Variants in RBPMS observed in about 807,000 individuals in gnomAD.
RBPMS encodes RNA-binding protein with multiple splicing.
Under a neutral mutation model 26.8 loss-of-function variants are expected in RBPMS, and 7 were observed. That is an observed-to-expected ratio of 0.26 (90% CI 0.15 to 0.49). RBPMS has a LOEUF of 0.49. Among genes scored for constraint, RBPMS ranks in the 20% least tolerant of loss-of-function variants. The probability of loss-of-function intolerance (pLI) is 0.98; values close to 1 mark genes in which losing one functional copy is unlikely to be tolerated. For missense variants in RBPMS, 186 were observed against 250.0 expected (o/e 0.74, Z 1.73); for synonymous variants, 96 against 93.3 (o/e 1.03, Z -0.17).
At chr8:30,438,168 A>G (rs1216828283) in intron 1 of RBPMS, among the ~76,000 whole-genome samples, 5 of 152,042 alleles carry the variant, frequency 3.3e-5, no homozygotes, top group African/African-American at 1.2e-4. Flanking sequence ...TGTAATCCCA[A>G]CACTTTGGGA....
chr8:30,542,105 T>TA (rs1825447291), intron 5 of RBPMS, among the ~76,000 whole-genome samples: 1 of 152,202 alleles, frequency 6.6e-6, no homozygotes, highest in Admixed American at 6.5e-5. Flanking sequence ...TTATCAAGTG[T>TA]AAGTTCACCT....
chr8:30,516,903 T>TAC (rs139256402), intron 5 of RBPMS, among the ~76,000 whole-genome samples: 31,214 of 147,334 alleles, frequency 0.21, 3,394 homozygotes, highest in South Asian at 0.37. Context: ...CATCTCTAAA[T>TAC]ACACACACAC....
At chr8:30,519,458 CTTTTTTT>C (rs36017963) in intron 5 of RBPMS, among the ~76,000 whole-genome samples, 4 of 89,460 alleles carry the variant, frequency 4.5e-5, no homozygotes, top group African/African-American at 4.4e-5. Flanking sequence ...GGATCTCTCT[CTTTTTTT>C]TTTTTTTTTT....
chr8:30,512,815 T>C (rs1821860177), intron 5 of RBPMS, among the ~76,000 whole-genome samples: 1 of 152,178 alleles, frequency 6.6e-6, no homozygotes, highest in Non-Finnish European at 1.5e-5. Context: ...CAAAACCGCC[T>C]CCTTAAGCTC....
chr8:30,534,512 C>A (rs1410130792), intron 5 of RBPMS, among the ~76,000 whole-genome samples: 1 of 152,206 alleles, frequency 6.6e-6, no homozygotes, highest in Non-Finnish European at 1.5e-5. Context: ...GGGCAAGTAG[C>A]CCACGGCTAG....
intron 5 of RBPMS, among the ~76,000 whole-genome samples, chr8:30,543,756 T>A (rs1585828455): frequency 6.6e-6 from 1 of 152,166 alleles, no homozygotes; most frequent in Non-Finnish European, 1.5e-5. Context: ...CTGGGTGGAA[T>A]TGGAGCTGCC....
At chr8:30,450,978 T>C (rs1814516921) in intron 1 of RBPMS, among the ~76,000 whole-genome samples, 1 of 152,096 alleles carries the variant, frequency 6.6e-6, no homozygotes, top group African/African-American at 2.4e-5. Flanking sequence ...TCAAAAAATA[T>C]GGTGACTAGC....
intron 4 of RBPMS, among the ~76,000 whole-genome samples, chr8:30,500,904 G>A (rs1385875321): frequency 6.6e-6 from 1 of 152,042 alleles, no homozygotes; most frequent in African/African-American, 2.4e-5. Context: ...TTTCATATCT[G>A]ATCTGTTCTA....
At chr8:30,481,362 A>G (rs940889455) in intron 4 of RBPMS, among the ~76,000 whole-genome samples, 1 of 152,206 alleles carries the variant, frequency 6.6e-6, no homozygotes, top group African/African-American at 2.4e-5. Context: ...AGTACAGCGA[A>G]CATAATTTCA....
intron 5 of RBPMS, among the ~76,000 whole-genome samples, chr8:30,540,405 A>G (rs1825257649): frequency 1.3e-5 from 2 of 152,064 alleles, no homozygotes; most frequent in African/African-American, 4.8e-5. Context: ...GAAGTCATAG[A>G]AGGGTTTTAA....
At chr8:30,505,764 T>C in intron 5 of RBPMS, among the ~76,000 whole-genome samples, 1 of 152,118 alleles carries the variant, frequency 6.6e-6, no homozygotes, top group African/African-American at 2.4e-5. Context: ...TTATAGTGAG[T>C]GGATAAATTG....
At chr8:30,519,499 T>G (rs1822800880) in intron 5 of RBPMS, among the ~76,000 whole-genome samples, 1 of 81,196 alleles carries the variant, frequency 1.2e-5, no homozygotes, top group Non-Finnish European at 2.4e-5. Flanking sequence ...TTTTTTTTTT[T>G]TGGAGACGGA....
At chr8:30,533,788 G>T (rs1290206050) in intron 5 of RBPMS, among the ~76,000 whole-genome samples, 1 of 152,068 alleles carries the variant, frequency 6.6e-6, no homozygotes, top group Non-Finnish European at 1.5e-5. Flanking sequence ...ACACAAATCA[G>T]GTTTTTTCCC....
chr8:30,548,518 T>C (rs906463609), intron 6 of RBPMS, among the ~76,000 whole-genome samples: 1 of 152,238 alleles, frequency 6.6e-6, no homozygotes, highest in African/African-American at 2.4e-5. Context: ...GGATTTCTAA[T>C]AGGGCTGCTG....
chr8:30,512,960 G>A (rs536045429), intron 5 of RBPMS, among the ~76,000 whole-genome samples: 20 of 152,250 alleles, frequency 1.3e-4, no homozygotes, highest in African/African-American at 4.1e-4. Context: ...CTACTGGGTG[G>A]GTAGATTTGG....
intron 4 of RBPMS, among the ~76,000 whole-genome samples, chr8:30,495,626 A>G (rs1322638282): frequency 1.3e-5 from 2 of 152,236 alleles, no homozygotes; most frequent in African/African-American, 4.8e-5. Context: ...TAAGAAAAAG[A>G]ATGAGGCATA....
chr8:30,545,223 A>G (rs1825775346), intron 6 of RBPMS: 1 of 1,277,340 alleles, frequency 7.8e-7, no homozygotes, highest in South Asian at 1.3e-5. Context: ...AGGTCAAGGT[A>G]GAGATCTCTA....
At chr8:30,499,253 G>C (rs1171487243) in intron 4 of RBPMS, among the ~76,000 whole-genome samples, 1 of 152,180 alleles carries the variant, frequency 6.6e-6, no homozygotes, top group Non-Finnish European at 1.5e-5. Flanking sequence ...CTGAGTGACA[G>C]AGCAAGACTC....
intron 5 of RBPMS, among the ~76,000 whole-genome samples, chr8:30,506,336 T>TAAAAA (rs34344286): frequency 3.0e-5 from 4 of 132,132 alleles, no homozygotes; most frequent in East Asian, 2.1e-4. Flanking sequence ...ATTTGAAGTT[T>TAAAAA]AAAAAAAAAA....
Sources: allele counts gnomAD v4.1 joint callset (sites outside exome capture counted in the v4.1 genomes callset), GRCh38; gene constraint gnomAD v4.1.1; transcripts MANE v1.5; gene names NCBI Gene and HGNC (gene_info 2026-07-23, HGNC 2026-07-21).